Variants in MSANTD3 observed in about 807,000 individuals in gnomAD.
The protein encoded by MSANTD3 is myb/SANT-like DNA-binding domain-containing protein 3.
Under a neutral mutation model 27.7 loss-of-function variants are expected in MSANTD3, and 11 were observed. That is an observed-to-expected ratio of 0.40 (90% confidence interval 0.25 to 0.66). The LOEUF (loss-of-function observed/expected upper bound fraction) is 0.66. MSANTD3 is among the 30% of genes least tolerant of loss of function. The pLI is 0.41. For missense variants in MSANTD3, 250 were observed against 336.5 expected (o/e 0.74, Z 2.01); for synonymous variants, 131 against 127.2 (o/e 1.03, Z -0.20).
rs148909167 is a variant in MSANTD3, at chr9:100,450,661, G to A, written c.523G>A (p.Val175Ile). Residue 175 changes from valine to isoleucine, a missense_variant, in exon 3 of 3, where the codon GTC becomes ATC. Val to Ile is a conservative substitution (Grantham distance 29). Coordinates refer to ENST00000395067, the MANE Select transcript of MSANTD3 (RefSeq NM_080655.3). Reference sequence around the variant, plus strand: ...TCAACCTGAACCCTCGTGTTCAGCTGTCAGAATAACAGCCAATAAAAACTA... The same window carrying A: ...TCAACCTGAACCCTCGTGTTCAGCTATCAGAATAACAGCCAATAAAAACTA... The part of the protein sequence containing the change: ...TSQPEPSCSA[V>I]RITANKNYRS... 5,274 of 1,614,092 alleles carry A rather than the reference G, an allele frequency of 3.3e-3. 8 individuals are homozygous for A. Among genetic ancestry groups the A allele is most frequent in the South Asian group, 3.9e-3 (355 of 91,058 alleles).
intron 1 of MSANTD3, among the ~76,000 whole-genome samples, chr9:100,436,352 G>C (rs1378761238): frequency 2.0e-5 from 3 of 152,196 alleles, no homozygotes; most frequent in Non-Finnish European, 2.9e-5. Flanking sequence ...GTATGATGCT[G>C]TGTGCATGGT....
At position 100,438,816 on chromosome 9, in the gene MSANTD3, G is replaced by A. The variant is rs1836539178; in HGVS notation, c.-33-3090G>A. 2.0e-5 allele frequency among the ~76,000 whole-genome samples: 3 copies of A among 152,158 alleles called. No individual in the cohort carries two copies. In the South Asian group the frequency reaches 6.2e-4, roughly 32 times the overall value. ...TTGATTCATAGGGAATAAAAGTATG[G>A]GTGAAGGTAAAAAATTAATTTGGGA... On this transcript the variant is annotated intron_variant, in intron 1 of 2. Coordinates refer to ENST00000395067, the MANE Select transcript of MSANTD3 (RefSeq NM_080655.3).
rs148069532 is a variant in MSANTD3, at chr9:100,448,140, G to C, written c.419-2417G>C. 9 of 870,986 alleles carry C rather than the reference G, an allele frequency of 1.0e-5. No individual in the cohort carries two copies. In the East Asian group the frequency reaches 5.4e-4, roughly 52 times the overall value. 54.0% of individuals were successfully genotyped at this position (870,986 alleles called of 1,614,324 possible). Reference sequence around the variant, plus strand: ...TGGGAGCCAGAGATGGCAGTGAGCTGAGATCACGCCACTGCCCTCCAGCCT... The same window carrying C: ...TGGGAGCCAGAGATGGCAGTGAGCTCAGATCACGCCACTGCCCTCCAGCCT... On this transcript the variant is annotated intron_variant, in intron 2 of 2. Coordinates refer to ENST00000395067, the MANE Select transcript of MSANTD3 (RefSeq NM_080655.3).
intron 2 of MSANTD3, chr9:100,444,145 A>G (rs1487612022): frequency 6.6e-6 from 1 of 152,248 alleles, no homozygotes; most frequent in Non-Finnish European, 1.5e-5. Context: ...ATCCTGGAGA[A>G]GCAAATTATG....
At chr9:100,444,999 T>G in intron 2 of MSANTD3, 1 of 549,086 alleles carries the variant, frequency 1.8e-6, no homozygotes. Flanking sequence ...AGCCAAATGC[T>G]CCTTGCTCCT....
intron 2 of MSANTD3, among the ~76,000 whole-genome samples, chr9:100,449,945 T>C (rs1836845320): frequency 6.6e-6 from 1 of 152,018 alleles, no homozygotes; most frequent in Admixed American, 6.6e-5. Flanking sequence ...AAGAGGGACA[T>C]TGAAAACTCC....
chr9:100,447,901 A>G (rs1040056892), intron 2 of MSANTD3, among the ~76,000 whole-genome samples: 19 of 152,148 alleles, frequency 1.2e-4, no homozygotes, highest in African/African-American at 3.4e-4. Flanking sequence ...GCCTTTAGAA[A>G]TTGGAAGAGG....
At chr9:100,430,670 C>T (rs903071212) in intron 1 of MSANTD3, among the ~76,000 whole-genome samples, 2 of 152,188 alleles carry the variant, frequency 1.3e-5, no homozygotes, top group Non-Finnish European at 2.9e-5. Flanking sequence ...TGTCCACAGA[C>T]ATGGGCAGTG....
rs1836268347 is a variant in MSANTD3 at position 100,427,365 on chromosome 9, T to TCGCCGCGGCTGCCGCGC, written c.-55_-39dup. On this transcript the variant is annotated 5_prime_UTR_variant, in exon 1 of 3. Coordinates refer to ENST00000395067, the MANE Select transcript of MSANTD3 (RefSeq NM_080655.3). Reference sequence around the variant, plus strand: ...CGCGCCTCGCCGGCCCCTCCCCCGGTCGCCGCGGCTGCCGCGCCGCCGCTG... The same window carrying TCGCCGCGGCTGCCGCGC: ...CGCGCCTCGCCGGCCCCTCCCCCGGTCGCCGCGGCTGCCGCGCCGCCGCGGCTGCCGCGCCGCCGCTG... 6.9e-6 allele frequency: 1 copy of TCGCCGCGGCTGCCGCGC among 145,876 alleles called. No homozygotes were observed. Among genetic ancestry groups the TCGCCGCGGCTGCCGCGC allele is most frequent in the Non-Finnish European group, 1.5e-5 (1 of 65,716 alleles). The allele number at this position is 145,876 out of a possible 1,614,324, so 9.0% of individuals were successfully genotyped here.
intron 2 of MSANTD3, among the ~76,000 whole-genome samples, chr9:100,445,573 G>A (rs1836734787): frequency 6.6e-6 from 1 of 151,916 alleles, no homozygotes; most frequent in South Asian, 2.1e-4. Flanking sequence ...TTTTTCTAAT[G>A]TTGCTCTGAG....
intron 2 of MSANTD3, among the ~76,000 whole-genome samples, 160 bp from the exon 3 acceptor site, chr9:100,450,397 G>A (rs1175135450): frequency 1.3e-5 from 2 of 152,054 alleles, no homozygotes; most frequent in East Asian, 3.8e-4. Flanking sequence ...TTTTTAAAAA[G>A]TCAGGTGTGG....
chr9:100,436,297 C>T (rs1374288826), intron 1 of MSANTD3, among the ~76,000 whole-genome samples: 1 of 152,080 alleles, frequency 6.6e-6, no homozygotes, highest in Non-Finnish European at 1.5e-5. Context: ...TACAGGCACA[C>T]CACCATACCC....
intron 1 of MSANTD3, among the ~76,000 whole-genome samples, chr9:100,436,641 A>T (rs978718078): frequency 6.6e-6 from 1 of 152,200 alleles, no homozygotes; most frequent in Admixed American, 6.5e-5. Flanking sequence ...AGTTTTAAAC[A>T]AGAGTATCCT....
chr9:100,436,504 A>C (rs1836481119), intron 1 of MSANTD3, among the ~76,000 whole-genome samples: 1 of 152,234 alleles, frequency 6.6e-6, no homozygotes, highest in Non-Finnish European at 1.5e-5. Flanking sequence ...AACAGCAGAC[A>C]CAAGAGATAA....
At chr9:100,448,317 CAA>C (rs1564252281) in intron 2 of MSANTD3, 1 of 984,014 alleles carries the variant, frequency 1.0e-6, no homozygotes, top group East Asian at 1.1e-4. Flanking sequence ...GGAATGAAAT[CAA>C]AGAGAAAAGA....
Position 100,443,982 on chromosome 9 carries a change from T to A in MSANTD3, c.418+1626T>A, listed in dbSNP as rs553879614. 5 of 152,348 alleles carry A rather than the reference T, an allele frequency of 3.3e-5. No individual in the cohort carries two copies. The East Asian group carries it at 9.6e-4, about 29-fold the overall frequency. The allele number at this position is 152,348 out of a possible 1,614,324, so 9.4% of individuals were successfully genotyped here. A position where few individuals can be genotyped will look rare whatever the true frequency, so the allele number is the denominator to read the frequency against. ...AATTGTCAGTGCCTCCAGAGTAGACTGAGCTCTGAGGGACTGGCTCCTGTT... is the reference window on the plus strand; with the variant it reads ...AATTGTCAGTGCCTCCAGAGTAGACAGAGCTCTGAGGGACTGGCTCCTGTT... On this transcript the variant is annotated intron_variant, in intron 2 of 2. Transcript: ENST00000395067.
At position 100,441,887 on chromosome 9, in the gene MSANTD3, T is replaced by C; in HGVS notation, c.-33-19T>C. The stretch of plus-strand genomic sequence containing the variant: ...TTTTGCTGGAGTTGGTAATCATTGC[T>C]TCAAACTTCCTTTTACAGGATAGCT... On this transcript the variant is annotated intron_variant, in intron 1 of 2. Transcript: ENST00000395067. 1 of 1,536,462 alleles carries C rather than the reference T, an allele frequency of 6.5e-7. No individual in the cohort carries two copies.
chr9:100,450,496 GT>G (rs754669825), intron 2 of MSANTD3, 60 bp from the exon 3 acceptor site: 14,222 of 1,056,440 alleles, frequency 0.013, 2 homozygotes, highest in South Asian at 0.023. Flanking sequence ...AATAGGATTG[GT>G]TTTTTTTTTT....
At position 100,441,981 on chromosome 9, in the gene MSANTD3, G is replaced by A; in HGVS notation, c.43G>A (p.Glu15Lys). 1 of 1,613,778 alleles carries A rather than the reference G, an allele frequency of 6.2e-7. No individual in the cohort carries two copies. Among genetic ancestry groups the A allele is most frequent in the South Asian group, 1.1e-5 (1 of 91,052 alleles). ...TATAAAGCCTGCCAAATACTTCTCA[G>A]AATTGGAAAAGAGCATCCTGCTGGC... ...EIIKPAKYFS[E>K]LEKSILLALV... The change falls in exon 2 of 3, where the codon GAA (glutamate) becomes AAA (lysine). Residue 15 changes from glutamate (E) to lysine (K), a missense_variant. Physicochemically the swap from Glu to Lys is moderately conservative, Grantham distance 56 (BLOSUM62 1). Transcript: ENST00000395067.
Sources: gnomAD v4.1 joint callset for allele counts (sites outside exome capture counted in the v4.1 genomes callset) on GRCh38, gnomAD v4.1.1 for gene constraint, MANE v1.5 for transcripts, NCBI Gene and HGNC (gene_info 2026-07-23, HGNC 2026-07-21) for gene names.